RBFOX1: variants seen among roughly 807,000 people sequenced by gnomAD.
RBFOX1 encodes RNA binding fox-1 homolog 1, also known as RNA binding protein fox-1 homolog 1.
Under a neutral mutation model 57.7 loss-of-function variants are expected in RBFOX1, and 8 were observed. The observed-to-expected ratio is 0.14, with a 90% CI of 0.08 to 0.25. The LOEUF (loss-of-function observed/expected upper bound fraction) is 0.25. RBFOX1 is among the 10% of genes least tolerant of loss of function. RBFOX1 has a pLI of 1.00. For synonymous variants in RBFOX1, 326 were observed against 222.4 expected (o/e 1.47, Z -4.15); for missense variants, 611 against 548.5 (o/e 1.11, Z -1.14).
intron 2 of RBFOX1, among the ~76,000 whole-genome samples, chr16:6,554,906 AGT>A (rs1567663800): frequency 2.0e-5 from 3 of 152,164 alleles, no homozygotes; most frequent in African/African-American, 7.2e-5. Flanking sequence ...AGAAGCCCAG[AGT>A]ATGCTTTTTC....
intron 4 of RBFOX1, among the ~76,000 whole-genome samples, chr16:5,906,330 G>A (rs952720966): frequency 6.6e-6 from 1 of 152,176 alleles, no homozygotes; most frequent in African/African-American, 2.4e-5. Context: ...ACACGCACGT[G>A]GGGATAATGC....
chr16:5,390,883 A>T (rs1038836829), intron 1 of RBFOX1, among the ~76,000 whole-genome samples: 14 of 152,164 alleles, frequency 9.2e-5, no homozygotes, highest in African/African-American at 3.4e-4. Context: ...GCTAGGACCC[A>T]CCCAGAGGAA....
At chr16:6,105,247 G>A (rs1207274251) in intron 1 of RBFOX1, among the ~76,000 whole-genome samples, 1 of 152,170 alleles carries the variant, frequency 6.6e-6, no homozygotes, top group Non-Finnish European at 1.5e-5. Context: ...GGCACCTGGT[G>A]GCAGGCAGGA....
At chr16:5,420,541 C>G (rs1596981859) in intron 1 of RBFOX1, among the ~76,000 whole-genome samples, 2 of 152,068 alleles carry the variant, frequency 1.3e-5, no homozygotes, top group South Asian at 2.1e-4. Context: ...CAGGGTCTCA[C>G]TCTGTCATCC....
rs137945872 is a variant in RBFOX1, at chr16:5,489,236, C to A, written c.258+21982C>A. Among the ~76,000 whole-genome samples the A allele has an allele frequency of 2.6e-5, 4 of 152,354 alleles. No homozygotes were observed. The East Asian group carries it at 7.7e-4, about 29-fold the overall frequency. On this transcript the variant is annotated intron_variant, in intron 2 of 2. Coordinates refer to the RBFOX1 transcript ENST00000585867. ...TCTTTCCTGTTCTCCTCTCATGCTT[C>A]CCTTGGCTGTGGCTAACCCTGTGCT...
chr16:5,856,295 ACACACAC>A (rs2057054032), intron 3 of RBFOX1, among the ~76,000 whole-genome samples: 1 of 81,454 alleles, frequency 1.2e-5, no homozygotes, highest in South Asian at 4.4e-4. Context: ...ACACACACAC[ACACACAC>A]ACACACACAT....
At position 7,564,788 on chromosome 16, in the gene RBFOX1, C is replaced by T. The variant is rs550726130; in HGVS notation, c.271-14989C>T. On this transcript the variant is annotated intron_variant, in intron 5 of 15. Transcript: ENST00000550418. ...TGTGTTAAACACCTGGCCCCTTGTA[C>T]ATTCATCCTATTTTTTTCCCAAGGA... 3.0e-5 allele frequency among the ~76,000 whole-genome samples: 4 copies of T among 132,078 alleles called. No homozygotes were observed. The East Asian group carries it at 7.9e-4, about 26-fold the overall frequency. 86.6% of individuals were successfully genotyped at this position (132,078 alleles called of 152,430 possible).
intron 3 of RBFOX1, among the ~76,000 whole-genome samples, chr16:6,977,549 C>T (rs1425033528): frequency 6.6e-6 from 1 of 152,028 alleles, no homozygotes; most frequent in Admixed American, 6.6e-5. Flanking sequence ...GTTCGAAGAC[C>T]TCTGACAATT....
intron 1 of RBFOX1, among the ~76,000 whole-genome samples, chr16:6,078,815 C>G (rs138831420): frequency 1.1e-4 from 17 of 152,286 alleles, no homozygotes; most frequent in South Asian, 4.1e-4. Context: ...TTTTCCATGT[C>G]TTTAAGTTTG....
intron 3 of RBFOX1, among the ~76,000 whole-genome samples, chr16:5,664,287 C>T (rs149715251): frequency 6.6e-5 from 10 of 152,280 alleles, no homozygotes; most frequent in East Asian, 1.9e-4. Context: ...CAGTGGCTCA[C>T]GCCTATAATC....
At chr16:5,710,993 G>C (rs1048564988) in intron 3 of RBFOX1, among the ~76,000 whole-genome samples, 1 of 152,194 alleles carries the variant, frequency 6.6e-6, no homozygotes, top group African/African-American at 2.4e-5. Context: ...CAGTTCTTGT[G>C]CCTGACCCTA....
chr16:5,547,918 G>C (rs2045283031), intron 2 of RBFOX1, among the ~76,000 whole-genome samples: 1 of 151,890 alleles, frequency 6.6e-6, no homozygotes, highest in Non-Finnish European at 1.5e-5. Context: ...CTAGCACTTT[G>C]GGAGGCTAAG....
chr16:6,114,988 A>T (rs1013109565), intron 1 of RBFOX1, among the ~76,000 whole-genome samples: 1 of 152,026 alleles, frequency 6.6e-6, no homozygotes, highest in African/African-American at 2.4e-5. Context: ...ATGCAAACTG[A>T]GGGGTGGGTT....
intron 1 of RBFOX1, among the ~76,000 whole-genome samples, chr16:6,088,396 C>G (rs1309202586): frequency 6.6e-6 from 1 of 152,062 alleles, no homozygotes; most frequent in Non-Finnish European, 1.5e-5. Context: ...TGTCATTTGT[C>G]TATTATTAGG....
intron 3 of RBFOX1, among the ~76,000 whole-genome samples, chr16:6,880,543 G>C (rs2062729374): frequency 6.6e-6 from 1 of 152,166 alleles, no homozygotes; most frequent in South Asian, 2.1e-4. Context: ...AGGTTAGACA[G>C]CTTCAGACAC....
At chr16:5,588,309 C>G (rs1329674213) in intron 2 of RBFOX1, among the ~76,000 whole-genome samples, 1 of 151,988 alleles carries the variant, frequency 6.6e-6, no homozygotes, top group Non-Finnish European at 1.5e-5. Context: ...CATACTAAAA[C>G]CCATGGAATT....
chr16:6,063,011 T>C lies in RBFOX1; in HGVS notation c.-127+43019T>C, dbSNP rs1038873270. Among the ~76,000 whole-genome samples the C allele has an allele frequency of 2.0e-5, 3 of 152,170 alleles. No individual in the cohort carries two copies. In the South Asian group the frequency reaches 6.2e-4, roughly 31 times the overall value. ...CAATGGATTCAGTGAAGCCCACCCA[T>C]ATTTTTCAAGGTAATCTCCCTGACA... On this transcript the variant is annotated intron_variant, in intron 1 of 15. Coordinates refer to ENST00000550418, the MANE Select transcript of RBFOX1 (RefSeq NM_018723.4).
chr16:7,038,693 A>T (rs1421549735), intron 3 of RBFOX1, among the ~76,000 whole-genome samples: 1 of 152,056 alleles, frequency 6.6e-6, no homozygotes, highest in Non-Finnish European at 1.5e-5. Flanking sequence ...TGCAGAAAGC[A>T]GATGTGGGAG....
At position 7,106,850 on chromosome 16, in the gene RBFOX1, A is replaced by T. The variant is rs141741765; in HGVS notation, c.27+54752A>T. On this transcript the variant is annotated intron_variant, in intron 4 of 15. Transcript: ENST00000550418. Reference sequence around the variant, plus strand: ...CAGATACACAAGCAAACAAAATAGTATATTAATTAATTCATGAAACAAGTA... The same window carrying T: ...CAGATACACAAGCAAACAAAATAGTTTATTAATTAATTCATGAAACAAGTA... Among the ~76,000 whole-genome samples, 1,168 of 152,228 alleles carry T rather than the reference A, an allele frequency of 7.7e-3. 11 individuals are homozygous for T. Among genetic ancestry groups the T allele is most frequent in the Non-Finnish European group, 0.012 (847 of 68,014 alleles).
Sources: gnomAD v4.1 joint callset for allele counts (sites outside exome capture counted in the v4.1 genomes callset) on GRCh38, gnomAD v4.1.1 for gene constraint, MANE v1.5 for transcripts, NCBI Gene and HGNC (gene_info 2026-07-23, HGNC 2026-07-21) for gene names.